The following ACOXL variants were observed in gnomAD, a reference collection of about 807,000 sequenced individuals.
ACOXL encodes the protein acyl-coenzyme A oxidase-like protein.
In ACOXL, 70 loss-of-function variants were observed where a neutral mutation model predicts 71.9. The ratio of observed to expected loss-of-function variants is 0.97; its 90% CI spans 0.80 to 1.19. The LOEUF (loss-of-function observed/expected upper bound fraction) is 1.19. Among genes scored for constraint, ACOXL ranks in the 50% most tolerant of loss-of-function variants. The pLI, the probability that ACOXL is intolerant of heterozygous loss-of-function variation, is 0.00. For synonymous variants in ACOXL, 253 were observed against 281.6 expected (o/e 0.90, Z 1.02); for missense variants, 703 against 736.3 (o/e 0.95, Z 0.52).
rs187135561 is a variant in ACOXL at position 110,969,488 on chromosome 2, A to G, written c.1060-17620A>G. On this transcript the variant is annotated intron_variant, in intron 12 of 17. Coordinates refer to ENST00000439055, the MANE Select transcript of ACOXL (RefSeq NM_001142807.4). The stretch of plus-strand genomic sequence containing the variant: ...ACCAATATCAGGAATGAAACAGAAT[A>G]TGTATCTAGAGATCATGAAGTCATT... Among the ~76,000 whole-genome samples the G allele has an allele frequency of 9.2e-5, 14 of 152,314 alleles. No individual in the cohort carries two copies. In the Middle Eastern group the frequency reaches 0.017, roughly 185 times the overall value.
chr2:110,858,011 C>G (rs1156229637), intron 10 of ACOXL, among the ~76,000 whole-genome samples: 2 of 152,184 alleles, frequency 1.3e-5, no homozygotes, highest in Non-Finnish European at 2.9e-5. Flanking sequence ...CAGATGTGAG[C>G]CACTGTGCCT....
chr2:110,987,197 G>A lies in ACOXL; in HGVS notation c.1149G>A (p.Val383=), dbSNP rs138625972. ...FGLLQNWAES[V]GDKLRTSFLA... is the part of the protein sequence containing the mutation. ...TGCTCCAAAACTGGGCTGAATCTGT[G>A]GGGGACAAGCTGAGAACCAGGTACG... is the stretch of plus-strand genomic sequence containing the variant. Residue 383 remains valine, a synonymous_variant, in exon 13 of 18, where the codon GTG becomes GTA. Coordinates refer to ENST00000439055, the MANE Select transcript of ACOXL (RefSeq NM_001142807.4). The A allele has an allele frequency of 1.1e-5, 17 of 1,575,092 alleles. No homozygotes were observed. Among genetic ancestry groups the A allele is most frequent in the Non-Finnish European group, 1.5e-5 (17 of 1,157,440 alleles).
At chr2:110,931,409 T>A (rs969892718) in intron 11 of ACOXL, among the ~76,000 whole-genome samples, 5 of 152,218 alleles carry the variant, frequency 3.3e-5, no homozygotes, top group Admixed American at 6.5e-5. Context: ...TACATTTTTT[T>A]AAATACCCAT....
At chr2:111,005,330 G>A (rs868437801) in intron 14 of ACOXL, among the ~76,000 whole-genome samples, 2 of 152,194 alleles carry the variant, frequency 1.3e-5, no homozygotes, top group South Asian at 2.1e-4. Context: ...TCCAGGGGCA[G>A]TAAATTCTTT....
chr2:110,831,216 G>A (rs367842635), intron 9 of ACOXL, among the ~76,000 whole-genome samples: 21 of 152,024 alleles, frequency 1.4e-4, no homozygotes, highest in African/African-American at 4.4e-4. Context: ...CAGATTACAT[G>A]ATTTCTTACA....
At chr2:110,899,060 A>G (rs2059127567) in intron 10 of ACOXL, among the ~76,000 whole-genome samples, 1 of 152,222 alleles carries the variant, frequency 6.6e-6, no homozygotes, top group Non-Finnish European at 1.5e-5. Flanking sequence ...GAACAACACA[A>G]CACTGATGAA....
intron 3 of ACOXL, among the ~76,000 whole-genome samples, chr2:110,790,892 A>G (rs1167387100): frequency 2.6e-5 from 4 of 152,164 alleles, no homozygotes; most frequent in East Asian, 3.9e-4. Context: ...CTCAGGCCAC[A>G]CACCCAGGTG....
intron 1 of ACOXL, among the ~76,000 whole-genome samples, chr2:110,746,909 T>G (rs1230762933): frequency 6.6e-6 from 1 of 152,010 alleles, no homozygotes; most frequent in African/African-American, 2.4e-5. Context: ...TTATCTGTTC[T>G]TATCAGCCTG....
chr2:110,762,054 GTCT>G (rs1224605107), intron 1 of ACOXL, among the ~76,000 whole-genome samples: 1 of 152,122 alleles, frequency 6.6e-6, no homozygotes, highest in African/African-American at 2.4e-5. Context: ...GGATTGTTAT[GTCT>G]TCTTTGTGGA....
chr2:110,866,852 C>T (rs1694661688), intron 10 of ACOXL, among the ~76,000 whole-genome samples: 1 of 152,170 alleles, frequency 6.6e-6, no homozygotes, highest in Non-Finnish European at 1.5e-5. Flanking sequence ...TGCTAGGGAA[C>T]CCACTGTGCT....
chr2:110,767,921 TAAAC>T (rs1440592089), intron 1 of ACOXL, among the ~76,000 whole-genome samples: 3 of 101,992 alleles, frequency 2.9e-5, no homozygotes, highest in African/African-American at 1.2e-4. Flanking sequence ...CTGTCTCTAC[TAAAC>T]ACACACACAC....
chr2:111,033,434 C>T (rs1257787281), intron 15 of ACOXL, among the ~76,000 whole-genome samples: 1 of 152,172 alleles, frequency 6.6e-6, no homozygotes, highest in African/African-American at 2.4e-5. Context: ...GTTCTACGAG[C>T]ATATCTTCAG....
At chr2:110,992,875 C>T (rs958838446) in intron 13 of ACOXL, among the ~76,000 whole-genome samples, 9 of 152,178 alleles carry the variant, frequency 5.9e-5, no homozygotes, top group Non-Finnish European at 1.2e-4. Flanking sequence ...TTGCACCCAA[C>T]GTGTTTTTCT....
intron 10 of ACOXL, among the ~76,000 whole-genome samples, chr2:110,903,339 T>C (rs949541986): frequency 2.0e-5 from 3 of 152,204 alleles, no homozygotes; most frequent in African/African-American, 7.2e-5. Context: ...CGTTCAAAAT[T>C]GAGTGGGAAT....
chr2:110,914,100 A>G (rs904710524), intron 11 of ACOXL, among the ~76,000 whole-genome samples: 1 of 152,214 alleles, frequency 6.6e-6, no homozygotes, highest in Non-Finnish European at 1.5e-5. Flanking sequence ...CTCCTTAAAT[A>G]TACTAGAAAT....
At chr2:110,914,193 A>T (rs964419859) in intron 11 of ACOXL, among the ~76,000 whole-genome samples, 1 of 152,014 alleles carries the variant, frequency 6.6e-6, no homozygotes, top group Non-Finnish European at 1.5e-5. Context: ...AGAGAGGAGG[A>T]AAAAAAAGAA....
chr2:110,796,052 C>T (rs1476071885), intron 5 of ACOXL: 1 of 152,058 alleles, frequency 6.6e-6, no homozygotes, highest in Non-Finnish European at 1.5e-5. Flanking sequence ...ACTCATACCA[C>T]CGAGAACTGA....
intron 16 of ACOXL, among the ~76,000 whole-genome samples, chr2:111,089,262 C>T (rs1275839067): frequency 6.6e-6 from 1 of 152,220 alleles, no homozygotes; most frequent in Non-Finnish European, 1.5e-5. Flanking sequence ...ATTGCCACTG[C>T]ACTCCAGCCT....
intron 11 of ACOXL, among the ~76,000 whole-genome samples, chr2:110,927,840 CAT>C (rs1168886417): frequency 6.6e-6 from 1 of 152,004 alleles, no homozygotes; most frequent in Non-Finnish European, 1.5e-5. Flanking sequence ...GCCTTTAAAT[CAT>C]GTGATCATCT....
Sources: gnomAD v4.1 joint callset for allele counts (sites outside exome capture counted in the v4.1 genomes callset) on GRCh38, gnomAD v4.1.1 for gene constraint, MANE v1.5 for transcripts, NCBI Gene and HGNC (gene_info 2026-07-23, HGNC 2026-07-21) for gene names.